The following ITPR1 variants were observed in gnomAD, a reference collection of about 807,000 sequenced individuals.
ITPR1 encodes inositol 1,4,5-trisphosphate receptor type 1, also known as inositol 1,4,5-trisphosphate-gated calcium channel ITPR1.
Under a neutral mutation model 318.4 loss-of-function variants are expected in ITPR1, and 96 were observed. The ratio of observed to expected loss-of-function variants is 0.30; its 90% CI spans 0.26 to 0.36. The LOEUF (loss-of-function observed/expected upper bound fraction) is 0.36, where lower values mean the gene tolerates loss of function less well. Among genes scored for constraint, ITPR1 ranks in the 10% least tolerant of loss-of-function variants. ITPR1 has a pLI of 1.00. For missense variants in ITPR1, 2,440 were observed against 3,460.2 expected (o/e 0.71, Z 7.40); for synonymous variants, 1,312 against 1,289.9 (o/e 1.02, Z -0.37).
intron 4 of ITPR1, among the ~76,000 whole-genome samples, chr3:4,535,700 C>A (rs568949655): frequency 9.9e-5 from 15 of 152,124 alleles, no homozygotes; most frequent in African/African-American, 3.6e-4. Context: ...CCGCCTCGGC[C>A]TCCCAAAGTG....
intron 4 of ITPR1, among the ~76,000 whole-genome samples, chr3:4,591,462 AT>A (rs2090393600): frequency 6.6e-6 from 1 of 152,164 alleles, no homozygotes. Context: ...TTTGATCTGC[AT>A]TTCTCTAATG....
chr3:4,545,556 G>A (rs2084894918), intron 4 of ITPR1, among the ~76,000 whole-genome samples: 3 of 146,856 alleles, frequency 2.0e-5, no homozygotes, highest in Admixed American at 6.9e-5. Flanking sequence ...CTAGGAGACT[G>A]AAGCTGAAGT....
At chr3:4,503,706 C>T (rs1008459347) in intron 2 of ITPR1, among the ~76,000 whole-genome samples, 25 of 152,114 alleles carry the variant, frequency 1.6e-4, no homozygotes, top group South Asian at 6.2e-4. Flanking sequence ...ACACACGCAA[C>T]GGAGACCTCT....
intron 44 of ITPR1, among the ~76,000 whole-genome samples, chr3:4,742,509 C>T (rs867253705): frequency 1.1e-4 from 17 of 152,152 alleles, no homozygotes; most frequent in South Asian, 2.1e-4. Context: ...AGGATGGTGA[C>T]GGTTCCCACC....
intron 5 of ITPR1, among the ~76,000 whole-genome samples, chr3:4,631,361 G>C (rs1291761655): frequency 6.6e-6 from 1 of 152,078 alleles, no homozygotes; most frequent in Non-Finnish European, 1.5e-5. Context: ...CATAATCCCT[G>C]TGACCATTGT....
intron 39 of ITPR1, among the ~76,000 whole-genome samples, chr3:4,714,585 G>A (rs2041629021): frequency 6.6e-6 from 1 of 152,182 alleles, no homozygotes; most frequent in Non-Finnish European, 1.5e-5. Flanking sequence ...TACCGTCTGG[G>A]TTTCCCAAAT....
At chr3:4,588,193 A>G (rs1457050008) in intron 4 of ITPR1, among the ~76,000 whole-genome samples, 1 of 152,136 alleles carries the variant, frequency 6.6e-6, no homozygotes, top group African/African-American at 2.4e-5. Flanking sequence ...ATTATATAAG[A>G]AGTAGATGCA....
intron 53 of ITPR1, among the ~76,000 whole-genome samples, chr3:4,797,230 G>A (rs149916966): frequency 2.7e-4 from 41 of 151,722 alleles, no homozygotes; most frequent in Middle Eastern, 3.4e-3. Context: ...ACTCTCAGAG[G>A]GATTCTTTTT....
chr3:4,727,904 C>G (rs532580986), intron 42 of ITPR1, among the ~76,000 whole-genome samples: 3 of 152,292 alleles, frequency 2.0e-5, no homozygotes, highest in South Asian at 2.1e-4. Flanking sequence ...TTCCTTCTAC[C>G]TATTTTTTAT....
intron 60 of ITPR1, among the ~76,000 whole-genome samples, chr3:4,832,776 C>T (rs2050609114): frequency 6.6e-6 from 1 of 151,910 alleles, no homozygotes; most frequent in Non-Finnish European, 1.5e-5. Context: ...CTTTATGTAC[C>T]CCTTGGGTGG....
Position 4,784,582 on chromosome 3 carries a change from T to TTTA in ITPR1, c.6615+662_6615+663insTTA, listed in dbSNP as rs753432146. Among the ~76,000 whole-genome samples the TTTA allele has an allele frequency of 4.5e-4, 66 of 146,472 alleles. 1 individual carries two copies. Among genetic ancestry groups the TTTA allele is most frequent in the African/African-American group, 1.1e-3 (45 of 40,090 alleles). ...GTGTTTTTTGTTTTTTTTTTTTTTT[T>TTTA]AAAAAAGGTGTCATGTGGCTGGGCA... On this transcript the variant is annotated intron_variant, in intron 51 of 61. Transcript: ENST00000649015.
intron 40 of ITPR1, among the ~76,000 whole-genome samples, chr3:4,721,976 C>A (rs769964626): frequency 6.6e-6 from 1 of 151,968 alleles, no homozygotes; most frequent in East Asian, 1.9e-4. Flanking sequence ...GAAATTTGTC[C>A]CTTGATAAAA....
chr3:4,647,303 A>T (rs2093480514), intron 10 of ITPR1, among the ~76,000 whole-genome samples: 1 of 152,172 alleles, frequency 6.6e-6, no homozygotes, highest in African/African-American at 2.4e-5. Flanking sequence ...TCACCTGCTG[A>T]TGGACATTTG....
intron 44 of ITPR1, among the ~76,000 whole-genome samples, chr3:4,755,403 C>CT (rs2044888436): frequency 1.2e-5 from 1 of 81,968 alleles, no homozygotes; most frequent in African/African-American, 3.0e-5. Context: ...CAATTAAAAA[C>CT]ATTTTTTTTT....
At chr3:4,552,847 G>A (rs1202012183) in intron 4 of ITPR1, among the ~76,000 whole-genome samples, 2 of 152,140 alleles carry the variant, frequency 1.3e-5, no homozygotes, top group Admixed American at 1.3e-4. Flanking sequence ...TCATTAGCAT[G>A]CAAAAGACAT....
chr3:4,814,721 C>G, intron 58 of ITPR1, 159 bp downstream of exon 58: 1 of 706,112 alleles, frequency 1.4e-6, no homozygotes, highest in Non-Finnish European at 2.3e-6. Context: ...CCTTTCCTCT[C>G]TATCACGTGA....
intron 61 of ITPR1, among the ~76,000 whole-genome samples, chr3:4,837,137 T>A (rs1263307612): frequency 6.6e-6 from 1 of 152,044 alleles, no homozygotes. Context: ...GATAAAGCCA[T>A]GGTGCTACTT....
At position 4,788,033 on chromosome 3, in the gene ITPR1, A is replaced by G; in HGVS notation, c.6702A>G (p.Arg2234=). The stretch of plus-strand genomic sequence containing the variant: ...TCCTAACCAAGGAGTCAAAACTACG[A>G]ATTTACTATACTACAGAGAGAGACG... The part of the protein sequence containing the change: ...CEFLTKESKL[R]IYYTTERDEQ... The change falls in exon 52 of 62, where the codon CGA becomes CGG. Residue 2234 remains arginine (R), a synonymous_variant. Transcript: ENST00000649015. 1 of 1,613,014 alleles carries G rather than the reference A, an allele frequency of 6.2e-7. No individual in the cohort carries two copies. Among genetic ancestry groups the G allele is most frequent in the South Asian group, 1.1e-5 (1 of 90,688 alleles).
intron 44 of ITPR1, among the ~76,000 whole-genome samples, chr3:4,762,991 C>T (rs111788226): frequency 0.017 from 2,513 of 152,282 alleles, 42 homozygotes; most frequent in South Asian, 0.062. Context: ...ATAAACTATG[C>T]AGCCATAAAA....
Sources: allele counts gnomAD v4.1 joint callset (sites outside exome capture counted in the v4.1 genomes callset), GRCh38; gene constraint gnomAD v4.1.1; transcripts MANE v1.5; gene names NCBI Gene and HGNC (gene_info 2026-07-23, HGNC 2026-07-21).